MACROD2: variants seen among roughly 807,000 people sequenced by gnomAD.
MACROD2 encodes the protein ADP-ribose glycohydrolase MACROD2.
In MACROD2, 36 loss-of-function variants were observed where a neutral mutation model predicts 70.4. The observed-to-expected ratio is 0.51, with a 90% confidence interval of 0.39 to 0.68. The LOEUF is 0.68. MACROD2 is among the 30% of genes least tolerant of loss of function. The pLI is 0.00. For synonymous variants in MACROD2, 172 were observed against 178.8 expected (o/e 0.96, Z 0.30); for missense variants, 496 against 538.4 (o/e 0.92, Z 0.78).
chr20:15,585,264 A>G (rs971633693), intron 8 of MACROD2, among the ~76,000 whole-genome samples: 23 of 147,838 alleles, frequency 1.6e-4, no homozygotes, highest in Non-Finnish European at 1.2e-4. Context: ...GTGGTGTGAT[A>G]TCAGCTCACT....
At chr20:14,052,987 A>G (rs971483334) in intron 2 of MACROD2, 3 of 151,886 alleles carry the variant, frequency 2.0e-5, no homozygotes, top group African/African-American at 4.8e-5. Flanking sequence ...ATGAAACCAT[A>G]TAATAGTAGA....
intron 5 of MACROD2, among the ~76,000 whole-genome samples, chr20:14,805,218 TC>T (rs1039661985): frequency 6.6e-6 from 1 of 152,050 alleles, no homozygotes; most frequent in Non-Finnish European, 1.5e-5. Context: ...GCTTTCTACT[TC>T]CTTAAGGAAA....
At chr20:14,119,597 T>C (rs2148691126) in intron 3 of MACROD2, among the ~76,000 whole-genome samples, 1 of 152,338 alleles carries the variant, frequency 6.6e-6, no homozygotes, top group South Asian at 2.1e-4. Flanking sequence ...ATGGATACAT[T>C]TGTTCTTTCA....
At chr20:15,599,655 A>T (rs1296410861) in intron 8 of MACROD2, among the ~76,000 whole-genome samples, 2 of 152,240 alleles carry the variant, frequency 1.3e-5, no homozygotes, top group Admixed American at 1.3e-4. Flanking sequence ...ACACCATAAA[A>T]GTCCTTACAA....
chr20:15,572,073 A>G (rs2048383364), intron 8 of MACROD2, among the ~76,000 whole-genome samples: 1 of 152,126 alleles, frequency 6.6e-6, no homozygotes, highest in Non-Finnish European at 1.5e-5. Context: ...CCCATCATGT[A>G]TGTTGGTAAA....
intron 8 of MACROD2, among the ~76,000 whole-genome samples, chr20:15,505,737 C>T (rs1276695903): frequency 6.6e-6 from 1 of 152,102 alleles, no homozygotes; most frequent in African/African-American, 2.4e-5. Context: ...AGGTCACCTG[C>T]CTAGACTTGG....
At chr20:14,533,954 T>C (rs2085335534) in intron 4 of MACROD2, among the ~76,000 whole-genome samples, 2 of 152,216 alleles carry the variant, frequency 1.3e-5, no homozygotes, top group African/African-American at 2.4e-5. Context: ...GTTTAACTTA[T>C]CAAATTTTCC....
chr20:15,696,712 T>C (rs191132683), intron 8 of MACROD2, among the ~76,000 whole-genome samples: 343 of 150,072 alleles, frequency 2.3e-3, no homozygotes, highest in African/African-American at 7.8e-3. Context: ...ATTTTTTAGT[T>C]ACCATTTCAA....
At chr20:14,883,914 G>C (rs1371700869) in intron 5 of MACROD2, among the ~76,000 whole-genome samples, 1 of 150,844 alleles carries the variant, frequency 6.6e-6, no homozygotes, top group Non-Finnish European at 1.5e-5. Context: ...GCAAGCTTCT[G>C]GTTTTGTTAT....
At chr20:15,243,512 A>AAC (rs1290534533) in intron 6 of MACROD2, among the ~76,000 whole-genome samples, 1 of 152,134 alleles carries the variant, frequency 6.6e-6, no homozygotes, top group Non-Finnish European at 1.5e-5. Context: ...TTGCAGGAAT[A>AAC]ACACACACAC....
chr20:15,294,031 G>A (rs1396354905), intron 6 of MACROD2, among the ~76,000 whole-genome samples: 1 of 149,720 alleles, frequency 6.7e-6, no homozygotes, highest in African/African-American at 2.5e-5. Flanking sequence ...TGAGGCAGGA[G>A]AATTGCTTGA....
chr20:14,628,262 T>C (rs984295281), intron 4 of MACROD2, among the ~76,000 whole-genome samples: 12 of 152,184 alleles, frequency 7.9e-5, no homozygotes, highest in African/African-American at 2.7e-4. Context: ...TAGTCAGCTT[T>C]TCATTTTGGA....
At chr20:15,334,901 C>T (rs969952277) in intron 6 of MACROD2, among the ~76,000 whole-genome samples, 1 of 151,644 alleles carries the variant, frequency 6.6e-6, no homozygotes. Context: ...CTGATGAAAC[C>T]AATAAGGATA....
chr20:15,144,554 GAT>G (rs2076216618), intron 5 of MACROD2, among the ~76,000 whole-genome samples: 1 of 152,138 alleles, frequency 6.6e-6, no homozygotes, highest in African/African-American at 2.4e-5. Flanking sequence ...TGGAAAGTAA[GAT>G]AATACTTTCC....
intron 8 of MACROD2, among the ~76,000 whole-genome samples, chr20:15,801,355 G>A (rs1267574885): frequency 1.3e-5 from 2 of 151,968 alleles, no homozygotes; most frequent in African/African-American, 2.4e-5. Context: ...GCTCAGCAGG[G>A]CAGGTATGAC....
In MACROD2 at chr20:15,024,593, T is replaced by C. The variant is rs146685040; in HGVS notation, c.419-205347T>C. ...ATGGGAATTTTTAAGTGATACTCTA[T>C]ATTGCATTTTATATTAATATTATAT... On this transcript the variant is annotated intron_variant, in intron 5 of 17. Coordinates refer to ENST00000684519, the MANE Select transcript of MACROD2 (RefSeq NM_001351661.2). Among the ~76,000 whole-genome samples the C allele has an allele frequency of 3.9e-4, 60 of 152,084 alleles. 1 individual carries two copies. Among genetic ancestry groups the C allele is most frequent in the African/African-American group, 1.3e-3 (54 of 41,550 alleles).
At chr20:15,206,052 G>A (rs941162762) in intron 5 of MACROD2, among the ~76,000 whole-genome samples, 5 of 152,054 alleles carry the variant, frequency 3.3e-5, no homozygotes, top group African/African-American at 4.8e-5. Context: ...GTAATGAGAA[G>A]GTACCCCTTT....
intron 4 of MACROD2, among the ~76,000 whole-genome samples, chr20:14,545,226 T>G (rs1383622763): frequency 1.3e-5 from 2 of 152,182 alleles, no homozygotes; most frequent in Non-Finnish European, 2.9e-5. Context: ...CCCAGGCCAA[T>G]GAATCATTTT....
At chr20:14,608,960 G>T (rs1982986139) in intron 4 of MACROD2, among the ~76,000 whole-genome samples, 1 of 152,094 alleles carries the variant, frequency 6.6e-6, no homozygotes, top group South Asian at 2.1e-4. Context: ...CTGTCCAATG[G>T]CAGTGAGGGG....
Sources: allele counts gnomAD v4.1 joint callset (sites outside exome capture counted in the v4.1 genomes callset), GRCh38; gene constraint gnomAD v4.1.1; transcripts MANE v1.5; gene names NCBI Gene and HGNC (gene_info 2026-07-23, HGNC 2026-07-21).